LINGO1: variants seen among roughly 807,000 people sequenced by gnomAD.
The protein encoded by LINGO1 is leucine rich repeat and Ig domain containing 1.
LINGO1 carries 11 observed loss-of-function variants against 37.3 expected under a neutral mutation model. That is an observed-to-expected ratio of 0.29 (90% CI 0.19 to 0.49). LINGO1 has a LOEUF of 0.49. Ranked by LOEUF, LINGO1 falls within the 20% of genes least tolerant of loss-of-function variation. The pLI is 0.99. For synonymous variants in LINGO1, 387 were observed against 403.0 expected (o/e 0.96, Z 0.48); for missense variants, 585 against 878.2 (o/e 0.67, Z 4.22).
At chr15:77,728,142 T>C (rs968646594) in intron 2 of LINGO1, among the ~76,000 whole-genome samples, 10 of 152,326 alleles carry the variant, frequency 6.6e-5, no homozygotes, top group Middle Eastern at 3.4e-3. Context: ...CTGGCAGAAA[T>C]GGCCCCTGGC....
upstream of LINGO1, among the ~76,000 whole-genome samples, chr15:77,633,219 G>A (rs1027604563): frequency 6.6e-5 from 10 of 152,102 alleles, no homozygotes; most frequent in African/African-American, 2.4e-4. Flanking sequence ...GGGCCAGCCG[G>A]GTGTCGGGGA....
At chr15:77,813,909 T>A (rs1385804200) in intron 1 of LINGO1, among the ~76,000 whole-genome samples, 2 of 152,152 alleles carry the variant, frequency 1.3e-5, no homozygotes, top group Non-Finnish European at 2.9e-5. Context: ...CCCAGAAGGC[T>A]CAGGCCTGCT....
At chr15:77,737,447 G>T (rs1289577271) in intron 1 of LINGO1, among the ~76,000 whole-genome samples, 1 of 152,070 alleles carries the variant, frequency 6.6e-6, no homozygotes, top group Non-Finnish European at 1.5e-5. Flanking sequence ...GAAGGAGAGG[G>T]AGGAAGGGGA....
chr15:77,710,235 T>C (rs1450101886), intron 2 of LINGO1, among the ~76,000 whole-genome samples: 3 of 152,170 alleles, frequency 2.0e-5, no homozygotes, highest in Non-Finnish European at 4.4e-5. Flanking sequence ...GAGAACTTCA[T>C]GGAGGCCCCT....
intron 1 of LINGO1, among the ~76,000 whole-genome samples, chr15:77,626,435 C>G (rs2074092638): frequency 3.3e-5 from 5 of 152,226 alleles, no homozygotes; most frequent in Non-Finnish European, 7.3e-5. Context: ...CCTCTCTACT[C>G]AAATCAATCT....
intron 1 of LINGO1, among the ~76,000 whole-genome samples, chr15:77,623,975 T>A (rs1478927387): frequency 6.8e-6 from 1 of 146,216 alleles, no homozygotes; most frequent in African/African-American, 2.5e-5. Context: ...GTGTGTGGCC[T>A]GTGTGTGTGT....
At chr15:77,733,834 G>A (rs979404805) in intron 2 of LINGO1, among the ~76,000 whole-genome samples, 4 of 152,060 alleles carry the variant, frequency 2.6e-5, no homozygotes, top group African/African-American at 9.7e-5. Flanking sequence ...GGCCCTTGCA[G>A]GGGTGTCTGA....
chr15:77,772,777 T>A (rs1239197744), intron 1 of LINGO1, among the ~76,000 whole-genome samples: 2 of 151,132 alleles, frequency 1.3e-5, no homozygotes, highest in Admixed American at 6.6e-5. Flanking sequence ...AAAGCCCTCT[T>A]TCCCCCCACC....
intron 3 of LINGO1, among the ~76,000 whole-genome samples, chr15:77,673,532 C>G (rs1343287915): frequency 2.0e-5 from 3 of 152,192 alleles, no homozygotes; most frequent in Admixed American, 2.0e-4. Context: ...CCTTGGCGTC[C>G]AGGACATACA....
upstream of LINGO1, among the ~76,000 whole-genome samples, chr15:77,699,772 C>CACCTGCAT (rs1482949650): frequency 6.0e-5 from 9 of 150,218 alleles, no homozygotes; most frequent in South Asian, 2.1e-4. Flanking sequence ...TACTAACCAT[C>CACCTGCAT]ATTCCCCCCC....
At chr15:77,680,070 C>G (rs151051896) in intron 2 of LINGO1, among the ~76,000 whole-genome samples, 1 of 152,226 alleles carries the variant, frequency 6.6e-6, no homozygotes, top group Non-Finnish European at 1.5e-5. Flanking sequence ...AAAAGCGATG[C>G]GTGTCATTGA....
intron 2 of LINGO1, among the ~76,000 whole-genome samples, chr15:77,679,424 G>A (rs2075378414): frequency 6.6e-6 from 1 of 152,280 alleles, no homozygotes; most frequent in South Asian, 2.1e-4. Flanking sequence ...TGATGATGAC[G>A]ATGATGGTGG....
At chr15:77,794,314 G>A (rs56264209) in intron 2 of LINGO1, among the ~76,000 whole-genome samples, 2 of 96,868 alleles carry the variant, frequency 2.1e-5, no homozygotes, top group African/African-American at 4.4e-5. Flanking sequence ...ACATATATGT[G>A]TATATACATA....
intron 2 of LINGO1, among the ~76,000 whole-genome samples, chr15:77,704,939 G>C (rs962383973): frequency 6.6e-6 from 1 of 152,136 alleles, no homozygotes; most frequent in African/African-American, 2.4e-5. Context: ...CAGCCACCAT[G>C]CCCAGTTTGC....
chr15:77,679,173 T>C (rs2141222930), intron 2 of LINGO1, among the ~76,000 whole-genome samples: 1 of 152,354 alleles, frequency 6.6e-6, no homozygotes, highest in Admixed American at 6.5e-5. Flanking sequence ...AATGCTGGGA[T>C]TATGGGTGTG....
At chr15:77,618,196 G>A (rs2073794301) in intron 1 of LINGO1, among the ~76,000 whole-genome samples, 1 of 152,218 alleles carries the variant, frequency 6.6e-6, no homozygotes, top group Non-Finnish European at 1.5e-5. Context: ...GAGAAGGCTG[G>A]GGAATGAGGG....
At chr15:77,725,472 G>T (rs12912165) in intron 2 of LINGO1, among the ~76,000 whole-genome samples, 1 of 152,152 alleles carries the variant, frequency 6.6e-6, no homozygotes, top group African/African-American at 2.4e-5. Flanking sequence ...CTGAGGTAGG[G>T]GGATCACTCG....
intron 2 of LINGO1, among the ~76,000 whole-genome samples, chr15:77,794,063 C>T (rs1039572898): frequency 6.6e-6 from 1 of 152,256 alleles, no homozygotes; most frequent in African/African-American, 2.4e-5. Flanking sequence ...GCTCCCAATG[C>T]CCCCGGGCTG....
At position 77,795,021 on chromosome 15, in the gene LINGO1, G is replaced by T. The variant is rs549507280; in HGVS notation, c.-343+918C>A. 4.6e-5 allele frequency among the ~76,000 whole-genome samples: 7 copies of T among 152,240 alleles called. No individual in the cohort carries two copies. The South Asian group carries it at 1.5e-3, about 32-fold the overall frequency. ...CCTCAGGAGAAGGGAGTCCAGGCCT[G>T]CCACCAGGCTTCTTCATCTGAAAAA... On this transcript the variant is annotated intron_variant, in intron 2 of 5. Coordinates refer to the LINGO1 transcript ENST00000562933.
Sources: allele counts gnomAD v4.1 joint callset (sites outside exome capture counted in the v4.1 genomes callset), GRCh38; gene constraint gnomAD v4.1.1; transcripts MANE v1.5; gene names NCBI Gene and HGNC (gene_info 2026-07-23, HGNC 2026-07-21).